PPP1R9A: variants seen among roughly 807,000 people sequenced by gnomAD.
PPP1R9A encodes protein phosphatase 1 regulatory subunit 9A, also known as neurabin-1.
In PPP1R9A, 59 loss-of-function variants were observed where a neutral mutation model predicts 141.9. That is an observed-to-expected ratio of 0.42 (90% CI 0.34 to 0.52). The LOEUF (loss-of-function observed/expected upper bound fraction) is 0.52. Ranked by LOEUF, PPP1R9A falls within the 20% of genes least tolerant of loss-of-function variation. The pLI is 0.10. For missense variants in PPP1R9A, 1,444 were observed against 1,611.9 expected (o/e 0.90, Z 1.78); for synonymous variants, 500 against 569.7 (o/e 0.88, Z 1.74).
chr7:94,914,576 A>G (rs1791839813), intron 2 of PPP1R9A, among the ~76,000 whole-genome samples: 1 of 152,228 alleles, frequency 6.6e-6, no homozygotes, highest in East Asian at 1.9e-4. Flanking sequence ...GATTAATAAT[A>G]GCAAATTAAA....
intron 5 of PPP1R9A, among the ~76,000 whole-genome samples, chr7:95,186,114 G>T (rs1834613904): frequency 6.6e-6 from 1 of 151,978 alleles, no homozygotes; most frequent in African/African-American, 2.4e-5. Context: ...ATTGCTTTTG[G>T]CAGTGTGGTC....
intron 2 of PPP1R9A, among the ~76,000 whole-genome samples, chr7:94,954,376 C>T (rs1796835035): frequency 6.6e-6 from 1 of 151,834 alleles, no homozygotes; most frequent in African/African-American, 2.4e-5. Context: ...TAAGTTTAGA[C>T]TTATGTCTTC....
chr7:94,935,058 A>G lies in PPP1R9A; in HGVS notation c.1395+23550A>G, dbSNP rs147594588. Among the ~76,000 whole-genome samples, 16 of 152,286 alleles carry G rather than the reference A, an allele frequency of 1.1e-4. No homozygotes were observed. The East Asian group carries it at 3.1e-3, about 29-fold the overall frequency. ...TTTGATTAACAGCAATTCTAAGAGA[A>G]TATTATGTAATGAAGTGTGAGAATA... On this transcript the variant is annotated intron_variant, in intron 2 of 19. Transcript: ENST00000433360.
intron 8 of PPP1R9A, among the ~76,000 whole-genome samples, chr7:95,231,660 A>G (rs1282543438): frequency 6.6e-6 from 1 of 152,162 alleles, no homozygotes; most frequent in African/African-American, 2.4e-5. Context: ...TGGGTCAACA[A>G]TCAAGATGGA....
chr7:94,913,719 A>AT (rs907848916), intron 2 of PPP1R9A, among the ~76,000 whole-genome samples: 8 of 151,988 alleles, frequency 5.3e-5, no homozygotes, highest in African/African-American at 9.7e-5. Flanking sequence ...TCCAATTAAG[A>AT]TTTTTTTTGC....
chr7:95,040,521 A>C (rs1439641690), intron 2 of PPP1R9A, among the ~76,000 whole-genome samples: 1 of 152,054 alleles, frequency 6.6e-6, no homozygotes, highest in Non-Finnish European at 1.5e-5. Flanking sequence ...AATAATAATA[A>C]TACAGGATGT....
chr7:94,975,119 G>A (rs546411826), intron 2 of PPP1R9A, among the ~76,000 whole-genome samples: 4 of 152,152 alleles, frequency 2.6e-5, no homozygotes, highest in African/African-American at 9.6e-5. Context: ...CTGTGTTGCA[G>A]TCTTTAGAAG....
chr7:95,056,175 A>G (rs997321643), intron 2 of PPP1R9A, among the ~76,000 whole-genome samples: 2 of 152,118 alleles, frequency 1.3e-5, no homozygotes, highest in East Asian at 1.9e-4. Context: ...GACATTTCTT[A>G]TCATGGGCAC....
chr7:95,115,701 G>A lies in PPP1R9A; in HGVS notation c.1528+4310G>A, dbSNP rs79861998. On this transcript the variant is annotated intron_variant, in intron 3 of 19. Coordinates refer to ENST00000433360, the MANE Select transcript of PPP1R9A (RefSeq NM_001166160.2). The stretch of plus-strand genomic sequence containing the variant: ...TGGGAGGCTGAGATGGGCGGATCAC[G>A]AAATCAGGAGGCTGAGACCATCCTG... Among the ~76,000 whole-genome samples the A allele has an allele frequency of 3.4e-3, 522 of 152,010 alleles. 4 individuals are homozygous for A. Among genetic ancestry groups the A allele is most frequent in the African/African-American group, 0.012 (504 of 41,482 alleles).
At chr7:95,174,039 T>C (rs914571189) in intron 5 of PPP1R9A, among the ~76,000 whole-genome samples, 3 of 152,094 alleles carry the variant, frequency 2.0e-5, no homozygotes, top group Non-Finnish European at 4.4e-5. Flanking sequence ...AATAAAAACA[T>C]ATATTTATAT....
At chr7:95,183,350 G>C (rs897982401) in intron 5 of PPP1R9A, among the ~76,000 whole-genome samples, 1 of 151,758 alleles carries the variant, frequency 6.6e-6, no homozygotes, top group Non-Finnish European at 1.5e-5. Context: ...ATGTTTGCCA[G>C]GCTGGTCTCA....
chr7:94,956,237 A>AG (rs1290864934), intron 2 of PPP1R9A, among the ~76,000 whole-genome samples: 1 of 152,142 alleles, frequency 6.6e-6, no homozygotes, highest in Non-Finnish European at 1.5e-5. Context: ...AGCTTTCAAG[A>AG]GAAAATTAGC....
chr7:94,950,981 C>T (rs1452176353), intron 2 of PPP1R9A, among the ~76,000 whole-genome samples: 2 of 152,100 alleles, frequency 1.3e-5, no homozygotes, highest in African/African-American at 4.8e-5. Context: ...CTCTTGGGCT[C>T]AAGTGATCTG....
At chr7:95,177,861 A>G in intron 5 of PPP1R9A, among the ~76,000 whole-genome samples, 1 of 152,216 alleles carries the variant, frequency 6.6e-6, no homozygotes, top group East Asian at 1.9e-4. Flanking sequence ...CACACCTAAA[A>G]GAGGAGCTCC....
chr7:95,179,279 A>G (rs1833359969), intron 5 of PPP1R9A, among the ~76,000 whole-genome samples: 1 of 151,988 alleles, frequency 6.6e-6, no homozygotes, highest in South Asian at 2.1e-4. Context: ...AAATTACAAG[A>G]TCATCTCAAT....
rs1331432332 is a variant in PPP1R9A at position 95,295,227 on chromosome 7, C to T, written c.*4924C>T. The T allele has an allele frequency of 2.6e-5, 4 of 152,430 alleles. No individual in the cohort carries two copies. The highest frequency in any genetic ancestry group is 6.5e-5 in the Admixed American group (1 of 15,268). The allele number at this position is 152,430 out of a possible 1,614,324, so 9.4% of individuals were successfully genotyped here. The stretch of plus-strand genomic sequence containing the variant: ...ATCATAGCCTTATTGCCACTTCTTG[C>T]GTTGTGTATACATTGAATGGCTCAT... On this transcript the variant is annotated 3_prime_UTR_variant, in exon 20 of 20. Coordinates refer to ENST00000433360, the MANE Select transcript of PPP1R9A (RefSeq NM_001166160.2).
chr7:95,176,691 A>G (rs1183236996), intron 5 of PPP1R9A, among the ~76,000 whole-genome samples: 1 of 152,190 alleles, frequency 6.6e-6, no homozygotes, highest in East Asian at 1.9e-4. Flanking sequence ...AAAACTTCAC[A>G]AAACACTGGA....
In PPP1R9A at chr7:95,063,702, T is replaced by G. The variant is rs560785863; in HGVS notation, c.1396-47557T>G. 3.5e-4 allele frequency among the ~76,000 whole-genome samples: 53 copies of G among 152,354 alleles called. 2 individuals carry two copies. In the South Asian group the frequency reaches 0.011, roughly 31 times the overall value. On this transcript the variant is annotated intron_variant, in intron 2 of 19. Transcript: ENST00000433360. ...GCTACTTTGGCGTGCACTTGTACAC[T>G]ATAAACAGTTTTCTTGAAACTGCAA...
chr7:94,911,304 G>A lies in PPP1R9A; in HGVS notation c.1191G>A (p.Met397Ile). ...SNNFDGSHVY[M>I]HSDYNVYRVR... is the part of the protein sequence containing the mutation. ...ATTTTGATGGTTCCCATGTGTACAT[G>A]CACAGTGACTATAATGTGTATAGGG... Residue 397 changes from methionine (M) to isoleucine (I), a missense_variant, in exon 2 of 20, where the codon ATG becomes ATA. Physicochemically the swap from Met to Ile is conservative, Grantham distance 10. Around this residue, in one of 5 missense-constraint regions of PPP1R9A, gnomAD observed 490 missense variants for 521.1 expected, o/e 0.94. Transcript: ENST00000433360. 6.2e-7 allele frequency: 1 copy of A among 1,614,116 alleles called. No individual in the cohort carries two copies. The highest frequency in any genetic ancestry group is 1.6e-4 in the Middle Eastern group (1 of 6,062).
Sources: allele counts gnomAD v4.1 joint callset (sites outside exome capture counted in the v4.1 genomes callset), GRCh38; gene constraint gnomAD v4.1.1; regional missense constraint gnomAD v4.1.1; transcripts MANE v1.5; gene names NCBI Gene and HGNC (gene_info 2026-07-23, HGNC 2026-07-21).